POLA1: variants seen among roughly 807,000 people sequenced by gnomAD.
POLA1 encodes the protein DNA polymerase alpha catalytic subunit.
A neutral mutation model predicts 124.0 loss-of-function variants in POLA1; 15 were observed. The ratio of observed to expected loss-of-function variants is 0.12; its 90% confidence interval spans 0.08 to 0.19. The LOEUF (loss-of-function observed/expected upper bound fraction) is 0.19, where lower values mean the gene tolerates loss of function less well. POLA1 is among the 10% of genes least tolerant of loss of function. The pLI is 1.00. For synonymous variants in POLA1, 408 were observed against 389.4 expected, an observed-to-expected ratio of 1.05 and a Z score of -0.56; for missense variants, 886 against 1,103.4, an observed-to-expected ratio of 0.80 and a Z score of 2.79.
intron 34 of POLA1, among the ~76,000 whole-genome samples, chrX:24,848,989 C>T (rs1041127795): frequency 1.3e-4 from 15 of 112,637 alleles, no homozygotes. Flanking sequence ...CAAAATTTCT[C>T]ATTTCTTACC....
At chrX:24,910,410 G>A (rs746067464) in intron 35 of POLA1, among the ~76,000 whole-genome samples, 4 of 110,449 alleles carry the variant, frequency 3.6e-5, no homozygotes, top group African/African-American at 1.3e-4. Context: ...TTTGAGATAT[G>A]TCCCATCAAT....
intron 36 of POLA1, among the ~76,000 whole-genome samples, chrX:24,933,494 C>T (rs984390466): frequency 9.0e-6 from 1 of 111,681 alleles, no homozygotes; most frequent in East Asian, 2.8e-4. Flanking sequence ...AAATGACAGT[C>T]GTTATACACA....
At chrX:24,941,159 C>T (rs759386417) in intron 36 of POLA1, among the ~76,000 whole-genome samples, 1 of 111,750 alleles carries the variant, frequency 8.9e-6, no homozygotes, top group South Asian at 3.9e-4. Context: ...TATGAGACAG[C>T]ACTGCCTCTC....
intron 1 of POLA1, among the ~76,000 whole-genome samples, chrX:24,696,530 C>A (rs757534468): frequency 6.3e-5 from 7 of 111,956 alleles, no homozygotes; most frequent in Non-Finnish European, 9.4e-5. Context: ...AATGTCTGAG[C>A]AGGTGTTCCT....
intron 32 of POLA1, among the ~76,000 whole-genome samples, chrX:24,840,083 A>G (rs1298304140): frequency 8.9e-6 from 1 of 112,393 alleles, no homozygotes; most frequent in Non-Finnish European, 1.9e-5. Context: ...TGTTAACATA[A>G]TTTATGTCAC....
intron 34 of POLA1, among the ~76,000 whole-genome samples, chrX:24,858,473 T>C (rs915388586): frequency 5.3e-5 from 6 of 112,228 alleles, no homozygotes; most frequent in African/African-American, 1.6e-4. Context: ...TAGTCTCTTT[T>C]GGACTAGCTT....
rs916580103 is a variant in POLA1, at chrX:24,921,957, A to G, written c.4165-8496A>G. 4.7e-5 allele frequency among the ~76,000 whole-genome samples: 5 copies of G among 105,298 alleles called. 1 individual carries two copies. Among genetic ancestry groups the G allele is most frequent in the Non-Finnish European group, 7.6e-5 (4 of 52,617 alleles). The allele number at this position is 105,298 out of a possible 115,157, so 91.4% of individuals were successfully genotyped here. ...AGAGAATTTTTATTTTAACAAGATA[A>G]TGTGCCAGGGAAGAGGAACAAGTGG... is the stretch of plus-strand genomic sequence containing the variant. On this transcript the variant is annotated intron_variant, in intron 35 of 36. Transcript: ENST00000379068.
chrX:24,764,354 T>C (rs1020091289), intron 26 of POLA1, among the ~76,000 whole-genome samples: 5 of 112,086 alleles, frequency 4.5e-5, no homozygotes, highest in Non-Finnish European at 9.4e-5. Flanking sequence ...GCCCAGTTAT[T>C]TTTCAAGTTT....
chrX:24,934,570 C>T (rs1258501843), intron 36 of POLA1, among the ~76,000 whole-genome samples: 3 of 112,223 alleles, frequency 2.7e-5, no homozygotes. Context: ...ATGCTTCTCT[C>T]CTCATATTCT....
intron 34 of POLA1, among the ~76,000 whole-genome samples, chrX:24,866,312 T>A (rs771750613): frequency 1.8e-4 from 20 of 111,949 alleles, no homozygotes; most frequent in South Asian, 1.5e-3. Flanking sequence ...CACTACTCCT[T>A]TTGCCTTAGT....
At chrX:24,794,787 G>A (rs1042154781) in intron 26 of POLA1, among the ~76,000 whole-genome samples, 2 of 110,931 alleles carry the variant, frequency 1.8e-5, no homozygotes, top group Non-Finnish European at 1.9e-5. Context: ...CTATAAAAGC[G>A]AAAATTCCTC....
At chrX:24,937,538 A>T (rs2047866159) in intron 36 of POLA1, among the ~76,000 whole-genome samples, 1 of 112,270 alleles carries the variant, frequency 8.9e-6, no homozygotes, top group African/African-American at 3.2e-5. Context: ...ATAATTTCAC[A>T]ATTGAGGGAA....
intron 35 of POLA1, among the ~76,000 whole-genome samples, chrX:24,908,174 A>G (rs1038950294): frequency 9.0e-6 from 1 of 111,361 alleles, no homozygotes; most frequent in Admixed American, 9.5e-5. Context: ...ATTTTTTTTT[A>G]ATGATGCAAC....
intron 36 of POLA1, among the ~76,000 whole-genome samples, chrX:24,961,982 G>C (rs2147261325): frequency 8.9e-6 from 1 of 111,934 alleles, no homozygotes; most frequent in South Asian, 3.7e-4. Context: ...GCTACCACCT[G>C]CTGACAGCTG....
In POLA1 at chrX:24,717,407, C is replaced by T; in HGVS notation, c.824C>T (p.Ala275Val). 8.3e-7 allele frequency: 1 copy of T among 1,210,550 alleles called. No individual in the cohort carries two copies. Among genetic ancestry groups the T allele is most frequent in the Non-Finnish European group, 1.1e-6 (1 of 894,466 alleles). ...EVEEVDLEPMAAKAWDKESEP... is the reference protein window; with the variant it reads ...EVEEVDLEPMVAKAWDKESEP... ...GAAGAGGTGGACCTGGAGCCTATGG[C>T]TGCCAAGGCTTGGGACAAAGAGAGT... Residue 275 changes from alanine to valine, a missense_variant, in exon 9 of 37, where the codon GCT becomes GTT. Physicochemically the swap from Ala to Val is moderately conservative, Grantham distance 64 (BLOSUM62 0). Coordinates refer to ENST00000379068, the MANE Select transcript of POLA1 (RefSeq NM_001330360.2).
chrX:24,809,990 A>G (rs2045871795), intron 27 of POLA1, 60 bp downstream of exon 27: 1 of 726,505 alleles, frequency 1.4e-6, no homozygotes, highest in African/African-American at 2.1e-5. Context: ...ACGTTTTTGT[A>G]TTCAAGGAAA....
chrX:24,754,230 A>C (rs1363565995), intron 26 of POLA1, among the ~76,000 whole-genome samples: 1 of 110,042 alleles, frequency 9.1e-6, no homozygotes, highest in Non-Finnish European at 1.9e-5. Context: ...TCACTTTTGC[A>C]ATCTTTTTCT....
At chrX:24,925,822 C>T (rs765923451) in intron 35 of POLA1, among the ~76,000 whole-genome samples, 3 of 111,232 alleles carry the variant, frequency 2.7e-5, no homozygotes, top group Non-Finnish European at 5.6e-5. Context: ...CATGAGTGAG[C>T]TCAGCTCACT....
At chrX:24,870,758 G>A (rs147449779) in intron 34 of POLA1, among the ~76,000 whole-genome samples, 2 of 111,984 alleles carry the variant, frequency 1.8e-5, no homozygotes, top group African/African-American at 6.5e-5. Flanking sequence ...AATCATCTTA[G>A]TGTCGATGGG....
Sources: allele counts gnomAD v4.1 joint callset (sites outside exome capture counted in the v4.1 genomes callset), GRCh38; gene constraint gnomAD v4.1.1; transcripts MANE v1.5; gene names NCBI Gene and HGNC (gene_info 2026-07-23, HGNC 2026-07-21).